GPHB5: variants seen among roughly 807,000 people sequenced by gnomAD.
The protein encoded by GPHB5 is glycoprotein hormone subunit beta 5.
GPHB5 carries 7 observed loss-of-function variants against 10.1 expected under a neutral mutation model. The observed-to-expected ratio is 0.69, with a 90% confidence interval of 0.39 to 1.30. GPHB5 has a LOEUF of 1.30. Ranked by LOEUF, GPHB5 falls within the 50% of genes most tolerant of loss-of-function variation. The pLI, the probability that GPHB5 is intolerant of heterozygous loss-of-function variation, is 0.01. For synonymous variants in GPHB5, 68 were observed against 70.1 expected (o/e 0.97, Z 0.15); for missense variants, 161 against 169.8 (o/e 0.95, Z 0.29).
At chr14:63,317,969 G>A (rs942407144) in intron 1 of GPHB5, 119 bp from the exon 2 acceptor site, 14 of 869,222 alleles carry the variant, frequency 1.6e-5, no homozygotes, top group Non-Finnish European at 2.5e-5. Context: ...CAGGGAAAAT[G>A]AGCCCAGAAA....
chr14:63,318,898 T>C lies in GPHB5; in HGVS notation c.-76A>G, dbSNP rs968218424. On this transcript the variant is annotated 5_prime_UTR_variant, in exon 1 of 3. Coordinates refer to ENST00000621500, the MANE Select transcript of GPHB5 (RefSeq NM_145171.4). ...GATTTCAGGAAGTCACAATGAATGG[T>C]AGAAGTTTGCCCTGGGTAAATGTCT... 1 of 152,212 alleles carries C rather than the reference T, an allele frequency of 6.6e-6. No individual in the cohort carries two copies. The highest frequency in any genetic ancestry group is 1.5e-5 in the Non-Finnish European group (1 of 68,038). 9.4% of individuals were successfully genotyped at this position (152,212 alleles called of 1,614,324 possible).
At chr14:63,313,451 A>T (rs1453182603) in intron 2 of GPHB5, among the ~76,000 whole-genome samples, 1 of 152,144 alleles carries the variant, frequency 6.6e-6, no homozygotes, top group African/African-American at 2.4e-5. Flanking sequence ...GCCCTGAGTG[A>T]TCCTGTTTAA....
chr14:63,315,541 T>C (rs1445639793), intron 2 of GPHB5, among the ~76,000 whole-genome samples: 2 of 152,190 alleles, frequency 1.3e-5, no homozygotes, highest in African/African-American at 4.8e-5. Flanking sequence ...TTTGTCTGTT[T>C]GTTTGTTTGC....
At chr14:63,314,127 C>A (rs1433036355) in intron 2 of GPHB5, among the ~76,000 whole-genome samples, 1 of 152,162 alleles carries the variant, frequency 6.6e-6, no homozygotes, top group East Asian at 1.9e-4. Context: ...CCTTCCTTCA[C>A]CTTTTATAAA....
chr14:63,317,806 AG>A lies in GPHB5; in HGVS notation c.43del (p.Leu15PhefsTer24). The A allele has an allele frequency of 6.2e-7, 1 of 1,614,054 alleles. No homozygotes were observed. The highest frequency in any genetic ancestry group is 8.5e-7 in the Non-Finnish European group (1 of 1,179,904). On this transcript the variant is annotated frameshift_variant, in exon 2 of 3. Transcript: ENST00000621500. LOFTEE classifies it high-confidence loss of function. ...FLFLGPMALL[L>X]LAGYGCVLGA... Reference sequence around the variant, plus strand: ...GAGGACACAGCCATAGCCAGCCAGAAGGAGGAGGGCCATGGGGCCAAGGAAG... The same window carrying A: ...GAGGACACAGCCATAGCCAGCCAGAAGAGGAGGGCCATGGGGCCAAGGAAG...
intron 2 of GPHB5, among the ~76,000 whole-genome samples, chr14:63,315,738 C>T (rs1190072482): frequency 6.6e-6 from 1 of 152,198 alleles, no homozygotes; most frequent in African/African-American, 2.4e-5. Context: ...GAAAATGAAT[C>T]TCATTCTTTT....
chr14:63,314,808 G>T (rs2139683393), intron 2 of GPHB5, among the ~76,000 whole-genome samples: 1 of 150,928 alleles, frequency 6.6e-6, no homozygotes. Flanking sequence ...GTTCTTCTTT[G>T]TTCTAGGCAA....
At chr14:63,316,825 AG>A (rs1312975236) in intron 2 of GPHB5, among the ~76,000 whole-genome samples, 7 of 152,178 alleles carry the variant, frequency 4.6e-5, no homozygotes, top group Non-Finnish European at 1.0e-4. Flanking sequence ...TGGACATTCA[AG>A]GTTTTTGGGC....
chr14:63,313,209 G>C (rs1229115784), intron 2 of GPHB5, 93 bp from the exon 3 acceptor site: 1 of 1,121,760 alleles, frequency 8.9e-7, no homozygotes, highest in African/African-American at 1.6e-5. Flanking sequence ...AAATTAACTT[G>C]TTATTCGTTG....
chr14:63,316,938 G>A (rs1316973289), intron 2 of GPHB5, among the ~76,000 whole-genome samples: 3 of 152,214 alleles, frequency 2.0e-5, no homozygotes, highest in Non-Finnish European at 4.4e-5. Flanking sequence ...CTGCTGGGGT[G>A]CTGAATAGCT....
At chr14:63,315,697 C>T (rs1416260619) in intron 2 of GPHB5, among the ~76,000 whole-genome samples, 1 of 152,212 alleles carries the variant, frequency 6.6e-6, no homozygotes, top group East Asian at 1.9e-4. Flanking sequence ...AAATCAAGTG[C>T]TTTATAGCGC....
At position 63,317,970 on chromosome 14, in the gene GPHB5, A is replaced by T. The variant is rs1594787405; in HGVS notation, c.-1-120T>A. 10 of 863,734 alleles carry T rather than the reference A, an allele frequency of 1.2e-5. No individual in the cohort carries two copies. In the East Asian group the frequency reaches 2.7e-4, roughly 23 times the overall value. 53.5% of individuals were successfully genotyped at this position (863,734 alleles called of 1,614,324 possible). A position where few individuals can be genotyped will look rare whatever the true frequency, so the allele number is the denominator to read the frequency against. On this transcript the variant is annotated intron_variant, in intron 1 of 2. Coordinates refer to ENST00000621500, the MANE Select transcript of GPHB5 (RefSeq NM_145171.4). ...TGCTCCTAGCATTTCAGGGAAAATG[A>T]GCCCAGAAATTGTAAATGCCCACAA...
intron 2 of GPHB5, among the ~76,000 whole-genome samples, chr14:63,315,178 G>A (rs1025531593): frequency 6.6e-6 from 1 of 151,936 alleles, no homozygotes; most frequent in South Asian, 2.1e-4. Flanking sequence ...GCCTCCCAAA[G>A]TGCTGAGATT....
intron 2 of GPHB5, among the ~76,000 whole-genome samples, chr14:63,314,648 G>A (rs562159785): frequency 5.5e-4 from 84 of 152,076 alleles, no homozygotes; most frequent in African/African-American, 1.9e-3. Flanking sequence ...TCCTGACCTC[G>A]TGATCTGCCT....
At position 63,313,014 on chromosome 14, in the gene GPHB5, C is replaced by T. The variant is rs753056101; in HGVS notation, c.307G>A (p.Val103Ile). 2 of 1,590,230 alleles carry T rather than the reference C, an allele frequency of 1.3e-6. No homozygotes were observed. The highest frequency in any genetic ancestry group is 4.5e-5 in the East Asian group (2 of 44,044). The change falls in exon 3 of 3, where the codon GTC becomes ATC. Residue 103 changes from valine (V) to isoleucine (I), a missense_variant. Transcript: ENST00000621500. ...TVKLPNCAPGVDPFYTYPVAI... is the reference protein window; with the variant it reads ...TVKLPNCAPGIDPFYTYPVAI... Reference sequence around the variant, plus strand: ...ACGGGATAGGTGTAGAAGGGGTCGACTCCCGGGGCACAGTTGGGCAGCTTG... The same window carrying T: ...ACGGGATAGGTGTAGAAGGGGTCGATTCCCGGGGCACAGTTGGGCAGCTTG...
intron 2 of GPHB5, among the ~76,000 whole-genome samples, chr14:63,315,605 T>A (rs567113018): frequency 3.6e-4 from 55 of 152,288 alleles, no homozygotes; most frequent in African/African-American, 1.3e-3. Context: ...TTCAACAACC[T>A]TCAAATGTAA....
In GPHB5 at chr14:63,316,065, G is replaced by T. The variant is rs76054247; in HGVS notation, c.204+1581C>A. On this transcript the variant is annotated intron_variant, in intron 2 of 2. Transcript: ENST00000621500. ...CAGGCCAGTCCCTGAACAGGAGGAG[G>T]TGCCAAGTGCCCCAGGTGAATTTGC... Among the ~76,000 whole-genome samples the T allele has an allele frequency of 1.1e-4, 16 of 152,302 alleles. No individual in the cohort carries two copies. In the East Asian group the frequency reaches 3.1e-3, roughly 29 times the overall value.
chr14:63,316,654 T>C (rs1465323132), intron 2 of GPHB5, among the ~76,000 whole-genome samples: 1 of 151,852 alleles, frequency 6.6e-6, no homozygotes, highest in Admixed American at 6.6e-5. Flanking sequence ...AGAAGGGATA[T>C]GAGGGAAGGA....
At chr14:63,317,559 C>T (rs1244486026) in intron 2 of GPHB5, 87 bp downstream of exon 2, 3 of 1,264,746 alleles carry the variant, frequency 2.4e-6, no homozygotes, top group Non-Finnish European at 3.3e-6. Context: ...AGCTCTACCT[C>T]ATATCATTTA....
Sources: allele counts gnomAD v4.1 joint callset (sites outside exome capture counted in the v4.1 genomes callset), GRCh38; gene constraint gnomAD v4.1.1; transcripts MANE v1.5; gene names NCBI Gene and HGNC (gene_info 2026-07-23, HGNC 2026-07-21).